SLC24A2: variants seen among roughly 807,000 people sequenced by gnomAD.
The protein encoded by SLC24A2 is sodium/potassium/calcium exchanger 2.
Under a neutral mutation model 62.0 loss-of-function variants are expected in SLC24A2, and 36 were observed. That is an observed-to-expected ratio of 0.58 (90% CI 0.44 to 0.77). The LOEUF is 0.77. Among genes scored for constraint, SLC24A2 ranks in the 30% least tolerant of loss-of-function variants. SLC24A2 has a pLI of 0.00. For missense variants in SLC24A2, 846 were observed against 817.9 expected, an observed-to-expected ratio of 1.03 and a Z score of -0.42; for synonymous variants, 358 against 294.0, an observed-to-expected ratio of 1.22 and a Z score of -2.23.
chr9:19,547,584 A>C (rs1024977601), intron 8 of SLC24A2, among the ~76,000 whole-genome samples: 5 of 147,724 alleles, frequency 3.4e-5, no homozygotes, highest in Non-Finnish European at 1.5e-5. Context: ...CCTTTCTCTG[A>C]GAGTTCCTCC....
chr9:19,678,884 A>G (rs1195175921), intron 2 of SLC24A2, among the ~76,000 whole-genome samples: 1 of 152,198 alleles, frequency 6.6e-6, no homozygotes, highest in East Asian at 1.9e-4. Flanking sequence ...TAAAATGTGG[A>G]GTTGTGAATA....
chr9:19,812,456 C>G, the SLC24A2 span, among the ~76,000 whole-genome samples: 1 of 152,014 alleles, frequency 6.6e-6, no homozygotes, highest in African/African-American at 2.4e-5. Context: ...CTTGTTAAAC[C>G]CATGATTTGA....
the SLC24A2 span, among the ~76,000 whole-genome samples, chr9:19,941,501 G>T: frequency 6.6e-6 from 1 of 151,382 alleles, no homozygotes; most frequent in Admixed American, 6.6e-5. Context: ...CTACCAAAAA[G>T]CACCTGCTTT....
chr9:20,147,667 G>C, the SLC24A2 span, among the ~76,000 whole-genome samples: 1 of 151,996 alleles, frequency 6.6e-6, no homozygotes, highest in Non-Finnish European at 1.5e-5. Flanking sequence ...TACAAGAAAA[G>C]AAGATCACAT....
intron 2 of SLC24A2, among the ~76,000 whole-genome samples, chr9:19,764,891 G>T (rs1463150677): frequency 6.6e-6 from 1 of 152,100 alleles, no homozygotes. Flanking sequence ...ATTGACAGTG[G>T]GGTGTTAAAG....
At chr9:19,551,957 T>C (rs1394933408) in intron 7 of SLC24A2, among the ~76,000 whole-genome samples, 1 of 152,176 alleles carries the variant, frequency 6.6e-6, no homozygotes, top group African/African-American at 2.4e-5. Flanking sequence ...CTGCTTTGGG[T>C]ATATGTCCTT....
chr9:20,166,686 G>C, the SLC24A2 span, among the ~76,000 whole-genome samples: 1 of 151,766 alleles, frequency 6.6e-6, no homozygotes, highest in Non-Finnish European at 1.5e-5. Context: ...GAAAGAACAG[G>C]GATAAAAGGA....
chr9:20,231,946 G>T, the SLC24A2 span, among the ~76,000 whole-genome samples: 2 of 152,138 alleles, frequency 1.3e-5, no homozygotes, highest in African/African-American at 2.4e-5. Context: ...TAGCATGAAC[G>T]GTTGTTGAAT....
the SLC24A2 span, among the ~76,000 whole-genome samples, chr9:20,030,434 G>A: frequency 1.3e-5 from 2 of 152,172 alleles, no homozygotes; most frequent in Non-Finnish European, 2.9e-5. Context: ...GAAAGGCAGT[G>A]TGAAAGTGCA....
chr9:20,086,229 CT>C, the SLC24A2 span, among the ~76,000 whole-genome samples: 1 of 152,130 alleles, frequency 6.6e-6, no homozygotes, highest in African/African-American at 2.4e-5. Flanking sequence ...TGCTGTTGTT[CT>C]TTATATTGCT....
At chr9:19,598,846 G>A (rs1407356790) in intron 4 of SLC24A2, among the ~76,000 whole-genome samples, 1 of 152,128 alleles carries the variant, frequency 6.6e-6, no homozygotes, top group Non-Finnish European at 1.5e-5. Context: ...GTTTGCATGT[G>A]TGAGTAATCT....
At chr9:20,139,314 T>G in the SLC24A2 span, among the ~76,000 whole-genome samples, 1 of 152,222 alleles carries the variant, frequency 6.6e-6, no homozygotes, top group Non-Finnish European at 1.5e-5. Flanking sequence ...CTCAGGCAAG[T>G]CGCTTTAGTC....
At chr9:20,193,126 G>A in the SLC24A2 span, among the ~76,000 whole-genome samples, 1 of 152,178 alleles carries the variant, frequency 6.6e-6, no homozygotes, top group East Asian at 1.9e-4. Flanking sequence ...ACAATAACAG[G>A]TGGTAGAACA....
At chr9:19,746,114 T>G (rs560828448) in intron 2 of SLC24A2, among the ~76,000 whole-genome samples, 41 of 152,200 alleles carry the variant, frequency 2.7e-4, no homozygotes, top group African/African-American at 9.4e-4. Flanking sequence ...CTCTCTTTTT[T>G]TTTTTAAATG....
At chr9:19,758,255 T>C (rs924029948) in intron 2 of SLC24A2, among the ~76,000 whole-genome samples, 1 of 152,176 alleles carries the variant, frequency 6.6e-6, no homozygotes, top group Non-Finnish European at 1.5e-5. Flanking sequence ...CATGGAGTCC[T>C]GTGTCTCCTG....
chr9:19,636,347 C>CTTTG (rs1818343610), intron 2 of SLC24A2, among the ~76,000 whole-genome samples: 2 of 31,210 alleles, frequency 6.4e-5, no homozygotes, highest in South Asian at 1.2e-3. Context: ...TTCTTTCTTT[C>CTTTG]TTTCTTTCTT....
chr9:19,679,720 C>G (rs775291211), intron 2 of SLC24A2, among the ~76,000 whole-genome samples: 2 of 152,138 alleles, frequency 1.3e-5, no homozygotes, highest in African/African-American at 2.4e-5. Context: ...GCCTTCAGAT[C>G]TGGAATGAAT....
the SLC24A2 span, among the ~76,000 whole-genome samples, chr9:20,250,152 CT>C: frequency 2.0e-5 from 3 of 152,166 alleles, no homozygotes; most frequent in Non-Finnish European, 4.4e-5. Flanking sequence ...CATAGCAGCT[CT>C]GTAATGTAGA....
chr9:19,525,777 T>A (rs919098198), intron 9 of SLC24A2, among the ~76,000 whole-genome samples: 6 of 149,954 alleles, frequency 4.0e-5, no homozygotes, highest in Non-Finnish European at 7.5e-5. Context: ...TTTTTTTTTT[T>A]TTTTTTTTTT....
Sources: allele counts gnomAD v4.1 joint callset (sites outside exome capture counted in the v4.1 genomes callset), GRCh38; gene constraint gnomAD v4.1.1; transcripts MANE v1.5; gene names NCBI Gene and HGNC (gene_info 2026-07-23, HGNC 2026-07-21).